The following RAD51B variants were observed in gnomAD, a reference collection of about 807,000 sequenced individuals.
RAD51B encodes RAD51 paralog B, also known as DNA repair protein RAD51 homolog 2.
In RAD51B, 38 loss-of-function variants were observed where a neutral mutation model predicts 42.2. The ratio of observed to expected loss-of-function variants is 0.90; its 90% CI spans 0.70 to 1.18. RAD51B has a LOEUF of 1.18. Ranked by LOEUF, RAD51B falls within the 50% of genes most tolerant of loss-of-function variation. The pLI, the probability that RAD51B is intolerant of heterozygous loss-of-function variation, is 0.00. For missense variants in RAD51B, 373 were observed against 400.7 expected (o/e 0.93, Z 0.59); for synonymous variants, 154 against 145.2 (o/e 1.06, Z -0.43).
At chr14:68,108,747 A>G (rs1432571128) in intron 7 of RAD51B, among the ~76,000 whole-genome samples, 1 of 151,892 alleles carries the variant, frequency 6.6e-6, no homozygotes, top group Non-Finnish European at 1.5e-5. Flanking sequence ...ATATACTTTA[A>G]AAGGGCGAAT....
At chr14:68,067,463 C>T (rs1394821460) in intron 7 of RAD51B, among the ~76,000 whole-genome samples, 1 of 106,294 alleles carries the variant, frequency 9.4e-6, no homozygotes, top group Non-Finnish European at 1.7e-5. Flanking sequence ...GACTCCATCT[C>T]GGAAAAAAAA....
intron 7 of RAD51B, among the ~76,000 whole-genome samples, chr14:68,096,075 T>C (rs12437043): frequency 0.33 from 50,453 of 151,658 alleles, 12,441 homozygotes; most frequent in African/African-American, 0.7. Flanking sequence ...TGAAGCCAAG[T>C]CTAACTCTAA....
At chr14:68,029,100 C>A (rs1018666147) in intron 7 of RAD51B, among the ~76,000 whole-genome samples, 7 of 152,216 alleles carry the variant, frequency 4.6e-5, no homozygotes, top group African/African-American at 1.7e-4. Context: ...TGGGAAGTAG[C>A]CCTAGGCTTT....
chr14:67,930,346 T>G (rs140689356), intron 7 of RAD51B, among the ~76,000 whole-genome samples: 2 of 152,260 alleles, frequency 1.3e-5, no homozygotes, highest in Non-Finnish European at 2.9e-5. Flanking sequence ...TGTGTGTTTT[T>G]TTTTTCCACT....
At chr14:68,205,324 A>G (rs1201421539) in intron 7 of RAD51B, among the ~76,000 whole-genome samples, 3 of 152,188 alleles carry the variant, frequency 2.0e-5, no homozygotes. Context: ...AGGAGTGATG[A>G]ATTGTAGCAA....
At chr14:67,875,517 T>A (rs1276122542) in intron 5 of RAD51B, among the ~76,000 whole-genome samples, 1 of 152,176 alleles carries the variant, frequency 6.6e-6, no homozygotes, top group Non-Finnish European at 1.5e-5. Flanking sequence ...CTTATTAAAG[T>A]TTAGATACAA....
chr14:68,114,568 GT>G (rs1595416711), intron 7 of RAD51B, among the ~76,000 whole-genome samples: 1 of 151,920 alleles, frequency 6.6e-6, no homozygotes, highest in African/African-American at 2.4e-5. Flanking sequence ...AAGAATATTT[GT>G]TTTCTTAATC....
At chr14:68,274,233 G>A (rs758515651) in intron 7 of RAD51B, among the ~76,000 whole-genome samples, 1 of 151,766 alleles carries the variant, frequency 6.6e-6, no homozygotes. Flanking sequence ...TCTTTTTTCC[G>A]GTATGATTAT....
intron 10 of RAD51B, among the ~76,000 whole-genome samples, chr14:68,604,122 C>T (rs934229059): frequency 6.6e-5 from 10 of 152,242 alleles, no homozygotes; most frequent in African/African-American, 2.2e-4. Context: ...GAAGCGCAGA[C>T]GTCTCCTGGC....
At position 68,043,249 on chromosome 14, in the gene RAD51B, G is replaced by A. The variant is rs551097196; in HGVS notation, c.756+156045G>A. On this transcript the variant is annotated intron_variant, in intron 7 of 10. Transcript: ENST00000471583. Reference sequence around the variant, plus strand: ...AACCTGAAGACATTCTCAAAGAGGGGTGGCCATTGGCTTTTTTGGGGTTGG... The same window carrying A: ...AACCTGAAGACATTCTCAAAGAGGGATGGCCATTGGCTTTTTTGGGGTTGG... 7.9e-5 allele frequency among the ~76,000 whole-genome samples: 12 copies of A among 152,306 alleles called. 1 individual carries two copies. In the East Asian group the frequency reaches 2.3e-3, roughly 29 times the overall value.
At chr14:68,192,281 C>T (rs1356730792) in intron 7 of RAD51B, among the ~76,000 whole-genome samples, 1 of 152,312 alleles carries the variant, frequency 6.6e-6, no homozygotes, top group South Asian at 2.1e-4. Flanking sequence ...CAAGAGGACA[C>T]AGCAAGAGCC....
intron 7 of RAD51B, among the ~76,000 whole-genome samples, chr14:67,914,658 G>A (rs1434457565): frequency 6.6e-6 from 1 of 152,162 alleles, no homozygotes; most frequent in East Asian, 1.9e-4. Context: ...AGACACTCAT[G>A]TTTTCTGCAA....
chr14:68,072,044 TA>T (rs1211825161), intron 7 of RAD51B, among the ~76,000 whole-genome samples: 4 of 120,520 alleles, frequency 3.3e-5, no homozygotes, highest in East Asian at 4.5e-4. Context: ...ATTTTATATA[TA>T]TATATAATTA....
intron 7 of RAD51B, among the ~76,000 whole-genome samples, chr14:68,140,653 G>A (rs1420121378): frequency 6.6e-6 from 1 of 152,168 alleles, no homozygotes; most frequent in Admixed American, 6.5e-5. Flanking sequence ...CACTTTCAAG[G>A]TTCACTAATC....
At chr14:67,981,004 A>G (rs995286972) in intron 7 of RAD51B, among the ~76,000 whole-genome samples, 2 of 152,196 alleles carry the variant, frequency 1.3e-5, no homozygotes, top group Non-Finnish European at 2.9e-5. Flanking sequence ...TTCAAAATAT[A>G]TAAGGAACTC....
chr14:68,407,936 G>A (rs920220848), intron 8 of RAD51B, among the ~76,000 whole-genome samples: 3 of 152,168 alleles, frequency 2.0e-5, no homozygotes, highest in African/African-American at 7.2e-5. Flanking sequence ...ATTCTCTGAA[G>A]ACACTTGGGA....
At chr14:68,394,950 C>T (rs1474781826) in intron 8 of RAD51B, among the ~76,000 whole-genome samples, 1 of 152,214 alleles carries the variant, frequency 6.6e-6, no homozygotes, top group Non-Finnish European at 1.5e-5. Context: ...GCCAGTGCCC[C>T]AGTGAGCTGC....
At chr14:68,176,261 G>C (rs994952028) in intron 7 of RAD51B, among the ~76,000 whole-genome samples, 2 of 152,176 alleles carry the variant, frequency 1.3e-5, no homozygotes, top group African/African-American at 4.8e-5. Context: ...GTATGGATGG[G>C]TGGCAAGTGA....
chr14:68,670,775 A>G (rs1024959353), intron 11 of RAD51B, among the ~76,000 whole-genome samples: 4 of 152,230 alleles, frequency 2.6e-5, no homozygotes, highest in Non-Finnish European at 4.4e-5. Flanking sequence ...GAAGGCCAGA[A>G]CTTGTCCATT....
Sources: gnomAD v4.1 joint callset for allele counts (sites outside exome capture counted in the v4.1 genomes callset) on GRCh38, gnomAD v4.1.1 for gene constraint, MANE v1.5 for transcripts, NCBI Gene and HGNC (gene_info 2026-07-23, HGNC 2026-07-21) for gene names.